The following MINAR1 variants were observed in gnomAD, a reference collection of about 807,000 sequenced individuals.
The protein encoded by MINAR1 is major intrinsically disordered Notch2-binding receptor 1.
Under a neutral mutation model 65.1 loss-of-function variants are expected in MINAR1, and 40 were observed. The observed-to-expected ratio is 0.61, with a 90% CI of 0.48 to 0.80. MINAR1 has a LOEUF of 0.80. Among genes scored for constraint, MINAR1 ranks in the 30% least tolerant of loss-of-function variants. MINAR1 has a pLI of 0.00. For synonymous variants in MINAR1, 482 were observed against 449.1 expected (o/e 1.07, Z -0.93); for missense variants, 1,128 against 1,148.0 (o/e 0.98, Z 0.25).
chr15:79,454,920 A>G (rs1203620313), intron 1 of MINAR1, among the ~76,000 whole-genome samples: 1 of 128,716 alleles, frequency 7.8e-6, no homozygotes, highest in Non-Finnish European at 1.7e-5. Flanking sequence ...TACATTTTAC[A>G]TTAAAATCTG....
chr15:79,430,383 G>A (rs1359765889), upstream of MINAR1, among the ~76,000 whole-genome samples: 3 of 152,114 alleles, frequency 2.0e-5, no homozygotes, highest in Non-Finnish European at 4.4e-5. Flanking sequence ...AGAAAAGGCA[G>A]ATCCCACGCA....
upstream of MINAR1, among the ~76,000 whole-genome samples, chr15:79,429,987 C>T (rs1406906616): frequency 6.6e-6 from 1 of 152,056 alleles, no homozygotes; most frequent in Non-Finnish European, 1.5e-5. Context: ...GGAATACCTC[C>T]CAAGGCTTGA....
intron 1 of MINAR1, among the ~76,000 whole-genome samples, chr15:79,445,792 C>A (rs947114272): frequency 6.6e-6 from 1 of 152,210 alleles, no homozygotes; most frequent in Non-Finnish European, 1.5e-5. Context: ...AGGTGATCCA[C>A]CCGCCTTGGC....
At chr15:79,417,209 C>T in the MINAR1 span, 3 of 152,216 alleles carry the variant, frequency 2.0e-5, no homozygotes, top group Non-Finnish European at 4.4e-5. Context: ...GCCAGGTTCA[C>T]ATAGTTCAAT....
rs115155283 is a variant in MINAR1 at position 79,437,075 on chromosome 15, G to A, written c.-51+4535G>A. Among the ~76,000 whole-genome samples the A allele has an allele frequency of 4.5e-3, 686 of 151,446 alleles. 7 individuals are homozygous for A. Among genetic ancestry groups the A allele is most frequent in the African/African-American group, 0.016 (662 of 41,312 alleles). On this transcript the variant is annotated intron_variant, in intron 1 of 3. Coordinates refer to ENST00000305428, the MANE Select transcript of MINAR1 (RefSeq NM_015206.3). ...CAGGAAGCTAAACATGCAAGTTTTA[G>A]GGTTACTAGAGGAGGCTTCAAGTAA...
intron 3 of MINAR1, chr15:79,463,726 G>C (rs1895736849): frequency 2.2e-6 from 1 of 464,860 alleles, no homozygotes; most frequent in Non-Finnish European, 4.3e-6. Flanking sequence ...TGGGAGCCAA[G>C]CTATGGATTA....
upstream of MINAR1, chr15:79,427,558 A>G (rs1373105335): frequency 6.6e-6 from 1 of 152,144 alleles, no homozygotes; most frequent in Non-Finnish European, 1.5e-5. Flanking sequence ...CTTCACTCCA[A>G]ATTTGTGTCT....
rs770398561 is a variant in MINAR1, at chr15:79,456,757, A to G, written c.610A>G (p.Thr204Ala). ...GCAGGCCCTGGCTCCGTACTCTGTG[A>G]CCAGCCCTCAGCCCTGTGAGATGCA... ...RLQALAPYSV[T>A]SPQPCEMQRT... Residue 204 changes from threonine to alanine, a missense_variant, in exon 2 of 4, where the codon ACC becomes GCC. Physicochemically the swap from Thr to Ala is moderately conservative, Grantham distance 58 (BLOSUM62 0). Transcript: ENST00000305428. The G allele has an allele frequency of 4.3e-6, 7 of 1,614,174 alleles. No homozygotes were observed. Among genetic ancestry groups the G allele is most frequent in the South Asian group, 2.2e-5 (2 of 91,084 alleles).
At chr15:79,444,966 A>G (rs1894973541) in intron 1 of MINAR1, among the ~76,000 whole-genome samples, 1 of 152,058 alleles carries the variant, frequency 6.6e-6, no homozygotes, top group South Asian at 2.1e-4. Context: ...CAGTTTCTTG[A>G]GAAAGATATG....
chr15:79,429,747 T>C (rs142971528), upstream of MINAR1, among the ~76,000 whole-genome samples: 529 of 152,304 alleles, frequency 3.5e-3, 1 homozygote, highest in African/African-American at 8.6e-3. Flanking sequence ...GTGAATATAA[T>C]TTAGTATCAC....
At chr15:79,468,027 C>A (rs966700001) in intron 3 of MINAR1, among the ~76,000 whole-genome samples, 160 bp from the exon 4 acceptor site, 5 of 152,104 alleles carry the variant, frequency 3.3e-5, no homozygotes, top group African/African-American at 1.2e-4. Flanking sequence ...CCTGTAGTAG[C>A]CTGCCTCAGG....
At chr15:79,435,893 A>C (rs1288473835) in intron 1 of MINAR1, among the ~76,000 whole-genome samples, 1 of 152,220 alleles carries the variant, frequency 6.6e-6, no homozygotes, top group African/African-American at 2.4e-5. Context: ...TTTTGTTCTT[A>C]AAGATTCTGG....
upstream of MINAR1, among the ~76,000 whole-genome samples, chr15:79,431,518 G>A (rs980360483): frequency 1.3e-5 from 2 of 151,886 alleles, no homozygotes; most frequent in Non-Finnish European, 2.9e-5. Flanking sequence ...TGTGTGTGGG[G>A]GGGGAGAGAA....
intron 1 of MINAR1, among the ~76,000 whole-genome samples, chr15:79,448,802 G>A (rs1012482533): frequency 1.3e-5 from 2 of 152,142 alleles, no homozygotes; most frequent in Admixed American, 6.5e-5. Context: ...TGGAGTTGTT[G>A]GAAATGAAAT....
upstream of MINAR1, among the ~76,000 whole-genome samples, chr15:79,431,895 C>T (rs1431550478): frequency 1.3e-5 from 2 of 152,316 alleles, no homozygotes; most frequent in East Asian, 1.9e-4. Flanking sequence ...GCTCTGACTC[C>T]CACTTTCCTC....
chr15:79,414,156 T>C, the MINAR1 span: 4 of 152,174 alleles, frequency 2.6e-5, no homozygotes, highest in African/African-American at 9.7e-5. Context: ...CTGTCAGATA[T>C]TTGTTATGTG....
rs28613282 is a variant in MINAR1, at chr15:79,458,888, T to C, written c.2298+443T>C. On this transcript the variant is annotated intron_variant, in intron 2 of 3. Transcript: ENST00000305428. ...GACTTCATTGTATGTGTGATGTTCC[T>C]TTTTAAGTATGAGGTTTTTTTCATT... Among the ~76,000 whole-genome samples the C allele has an allele frequency of 6.9e-3, 1,054 of 152,344 alleles. 21 individuals carry two copies. The highest frequency in any genetic ancestry group is 0.024 in the African/African-American group (1,010 of 41,562).
Position 79,456,539 on chromosome 15 carries a change from CAGCTGAGTGTGAGCCCCTGAACTGTG to C in MINAR1, c.402_427del (p.Cys134Ter). On this transcript the variant is annotated frameshift_variant, in exon 2 of 4. Transcript: ENST00000305428. LOFTEE classifies it high-confidence loss of function. ...AGGTCGGACACAGAGATCTGCAATG[CAGCTGAGTGTGAGCCCCTGAACTGTG>C]AGCTGAGTGAGAGGTCTTTCAGCCG... is the stretch of plus-strand genomic sequence containing the variant. The C allele has an allele frequency of 1.2e-6, 2 of 1,614,072 alleles. No individual in the cohort carries two copies. Among genetic ancestry groups the C allele is most frequent in the Non-Finnish European group, 1.7e-6 (2 of 1,180,028 alleles).
intron 1 of MINAR1, among the ~76,000 whole-genome samples, chr15:79,452,691 TGTGG>T (rs1389589036): frequency 8.9e-6 from 1 of 112,876 alleles, no homozygotes; most frequent in East Asian, 2.9e-4. Flanking sequence ...GGTGTGTGTG[TGTGG>T]GTGTCTGGAT....
Sources: gnomAD v4.1 joint callset for allele counts (sites outside exome capture counted in the v4.1 genomes callset) on GRCh38, gnomAD v4.1.1 for gene constraint, MANE v1.5 for transcripts, NCBI Gene and HGNC (gene_info 2026-07-23, HGNC 2026-07-21) for gene names.